Variants in ALMS1 observed in about 807,000 individuals in gnomAD.
ALMS1 encodes the protein ALMS1 centrosome and basal body associated protein.
ALMS1 carries 271 observed loss-of-function variants against 352.2 expected under a neutral mutation model. The observed-to-expected ratio is 0.77, with a 90% confidence interval of 0.70 to 0.85. ALMS1 has a LOEUF of 0.85. Among genes scored for constraint, ALMS1 ranks in the 40% least tolerant of loss-of-function variants. The pLI is 0.00. For missense variants in ALMS1, 5,445 were observed against 4,870.7 expected (o/e 1.12, Z -3.51); for synonymous variants, 1,865 against 1,761.2 (o/e 1.06, Z -1.48).
intron 3 of ALMS1, 44 bp from the exon 4 acceptor site, chr2:73,422,809 TAATC>T (rs2103710182): frequency 1.4e-6 from 2 of 1,438,782 alleles, no homozygotes; most frequent in African/African-American, 1.4e-5. Flanking sequence ...CGTAAGTAAA[TAATC>T]AATTTTCAGC....
intron 9 of ALMS1, among the ~76,000 whole-genome samples, chr2:73,486,942 C>G (rs1331456554): frequency 6.6e-6 from 1 of 152,168 alleles, no homozygotes; most frequent in Non-Finnish European, 1.5e-5. Flanking sequence ...GTTGTCCCAG[C>G]TATCCAGGAG....
intron 10 of ALMS1, among the ~76,000 whole-genome samples, chr2:73,506,435 C>T (rs575822231): frequency 2.0e-4 from 31 of 152,146 alleles, no homozygotes; most frequent in African/African-American, 7.2e-4. Context: ...AATGTTTTTC[C>T]ATTTGTTTGT....
chr2:73,510,918 A>G (rs1673438035), intron 10 of ALMS1, among the ~76,000 whole-genome samples: 1 of 152,186 alleles, frequency 6.6e-6, no homozygotes, highest in Admixed American at 6.5e-5. Context: ...CTGCCCAGAG[A>G]GGAGGAATCT....
chr2:73,460,744 A>G (rs1275882332), intron 9 of ALMS1, among the ~76,000 whole-genome samples: 1 of 152,210 alleles, frequency 6.6e-6, no homozygotes, highest in Non-Finnish European at 1.5e-5. Flanking sequence ...CCACACTAAT[A>G]CTGCGCTTTT....
At chr2:73,418,637 T>C (rs1039715825) in intron 2 of ALMS1, among the ~76,000 whole-genome samples, 3 of 152,232 alleles carry the variant, frequency 2.0e-5, no homozygotes, top group Admixed American at 1.3e-4. Flanking sequence ...AATTCCTTCA[T>C]ACCCCAGAAA....
chr2:73,450,127 T>C lies in ALMS1; in HGVS notation c.3600T>C (p.Ile1200=), dbSNP rs761584144. 3.1e-6 allele frequency: 5 copies of C among 1,614,046 alleles called. No homozygotes were observed. In the South Asian group the frequency reaches 5.5e-5, roughly 18 times the overall value. The change falls in exon 8 of 23, where the codon ATT becomes ATC. Residue 1200 remains isoleucine, a synonymous_variant. Transcript: ENST00000613296. ...ACTCACAAAGAGAGAAACCTGGTAT[T>C]TTCTATCAACAGACCTTGCCAGGTA... The part of the protein sequence containing the change: ...TFYSQREKPG[I]FYQQTLPGSH...
intron 2 of ALMS1, among the ~76,000 whole-genome samples, chr2:73,413,723 A>G (rs1572907620): frequency 6.6e-6 from 1 of 152,292 alleles, no homozygotes; most frequent in South Asian, 2.1e-4. Context: ...TGGTTTTTGT[A>G]TATGGTGTGA....
At chr2:73,401,262 T>C (rs757746708) in intron 1 of ALMS1, among the ~76,000 whole-genome samples, 21 of 152,198 alleles carry the variant, frequency 1.4e-4, no homozygotes, top group Admixed American at 3.3e-4. Context: ...TTTATTTTCT[T>C]CTCCTCACTT....
At chr2:73,466,576 G>A (rs962747351) in intron 9 of ALMS1, among the ~76,000 whole-genome samples, 18 of 151,844 alleles carry the variant, frequency 1.2e-4, no homozygotes, top group African/African-American at 3.9e-4. Context: ...CACCAACATG[G>A]CACTTGTATA....
At chr2:73,475,404 CT>C (rs1169536132) in intron 9 of ALMS1, among the ~76,000 whole-genome samples, 1 of 151,982 alleles carries the variant, frequency 6.6e-6, no homozygotes, top group Non-Finnish European at 1.5e-5. Context: ...CATTTTCTGT[CT>C]TTTTGATTAT....
At chr2:73,558,184 C>G (rs942991612) in intron 14 of ALMS1, among the ~76,000 whole-genome samples, 3 of 152,078 alleles carry the variant, frequency 2.0e-5, no homozygotes, top group African/African-American at 7.2e-5. Flanking sequence ...AACAATGTGC[C>G]CAGCTAAAGT....
At chr2:73,514,692 T>C (rs1330704042) in intron 10 of ALMS1, among the ~76,000 whole-genome samples, 3 of 152,212 alleles carry the variant, frequency 2.0e-5, no homozygotes, top group Non-Finnish European at 4.4e-5. Context: ...TTCTGTACTA[T>C]GTTGGATCAT....
intron 2 of ALMS1, among the ~76,000 whole-genome samples, chr2:73,410,497 G>T (rs1458916798): frequency 6.6e-6 from 1 of 152,172 alleles, no homozygotes; most frequent in Admixed American, 6.5e-5. Flanking sequence ...GACACTCCAT[G>T]ATCCAGTCAT....
At chr2:73,532,177 G>C (rs547636518) in intron 11 of ALMS1, among the ~76,000 whole-genome samples, 22 of 152,354 alleles carry the variant, frequency 1.4e-4, no homozygotes, top group African/African-American at 5.3e-4. Context: ...CAGTGGGACT[G>C]TTCTAGGTTA....
chr2:73,519,747 T>C, intron 10 of ALMS1, 28 bp from the exon 11 acceptor site: 2 of 1,613,630 alleles, frequency 1.2e-6, no homozygotes, highest in Non-Finnish European at 1.7e-6. Flanking sequence ...GGATATAATC[T>C]GCTGTATTCT....
intron 11 of ALMS1, among the ~76,000 whole-genome samples, chr2:73,533,693 A>G (rs908716254): frequency 5.3e-5 from 8 of 152,182 alleles, no homozygotes; most frequent in African/African-American, 1.9e-4. Flanking sequence ...TCTACCAATC[A>G]TGAAAGAAAA....
chr2:73,402,044 G>T (rs1670883501), intron 1 of ALMS1, among the ~76,000 whole-genome samples: 1 of 139,360 alleles, frequency 7.2e-6, no homozygotes, highest in Non-Finnish European at 1.6e-5. Flanking sequence ...ATGTGTGTGT[G>T]TGTGTGAGTG....
chr2:73,451,919 G>T lies in ALMS1; in HGVS notation c.5392G>T (p.Val1798Leu). The change falls in exon 8 of 23, where the codon GTA becomes TTA. Residue 1798 changes from valine (V) to leucine (L), a missense_variant. Coordinates refer to ENST00000613296, the MANE Select transcript of ALMS1 (RefSeq NM_001378454.1). The part of the protein sequence containing the change: ...VPGPADQKTG[V>L]STVTSTSYSH... ...TGGACCAGCTGACCAGAAGACTGGG[G>T]TATCAACAGTAACCTCTACTTCCTA... 2 of 1,610,868 alleles carry T rather than the reference G, an allele frequency of 1.2e-6. No individual in the cohort carries two copies. The highest frequency in any genetic ancestry group is 4.5e-5 in the East Asian group (2 of 44,650).
chr2:73,408,129 A>G (rs1671007681), intron 1 of ALMS1, among the ~76,000 whole-genome samples: 3 of 152,212 alleles, frequency 2.0e-5, no homozygotes, highest in African/African-American at 7.2e-5. Flanking sequence ...TGGCTTGACC[A>G]GGTCATTTTT....
Sources: gnomAD v4.1 joint callset for allele counts (sites outside exome capture counted in the v4.1 genomes callset) on GRCh38, gnomAD v4.1.1 for gene constraint, MANE v1.5 for transcripts, NCBI Gene and HGNC (gene_info 2026-07-23, HGNC 2026-07-21) for gene names.